Variants in MARCHF1 observed in about 807,000 individuals in gnomAD.
The protein encoded by MARCHF1 is membrane associated ring-CH-type finger 1.
MARCHF1 carries 40 observed loss-of-function variants against 54.2 expected under a neutral mutation model. That is an observed-to-expected ratio of 0.74 (90% CI 0.57 to 0.96). The LOEUF is 0.96. Ranked by LOEUF, MARCHF1 falls within the 40% of genes least tolerant of loss-of-function variation. The pLI is 0.00. For missense variants in MARCHF1, 586 were observed against 656.5 expected, an observed-to-expected ratio of 0.89 and a Z score of 1.17; for synonymous variants, 236 against 236.3, an observed-to-expected ratio of 1.00 and a Z score of 0.01.
intron 3 of MARCHF1, among the ~76,000 whole-genome samples, chr4:163,977,801 T>A (rs964041746): frequency 6.6e-6 from 1 of 152,196 alleles, no homozygotes; most frequent in Non-Finnish European, 1.5e-5. Context: ...CACTCAGATA[T>A]TCACAAAATA....
intron 4 of MARCHF1, among the ~76,000 whole-genome samples, chr4:163,819,027 A>C (rs115067808): frequency 6.6e-6 from 1 of 152,168 alleles, no homozygotes; most frequent in African/African-American, 2.4e-5. Context: ...TATTCATCTT[A>C]ATGATCCATC....
intron 1 of MARCHF1, among the ~76,000 whole-genome samples, chr4:164,160,895 A>T (rs1730215056): frequency 1.3e-5 from 2 of 152,222 alleles, no homozygotes; most frequent in Non-Finnish European, 2.9e-5. Flanking sequence ...CAGATTCAAT[A>T]AGAGTAAACT....
At chr4:163,738,617 T>A (rs1746114096) in intron 4 of MARCHF1, among the ~76,000 whole-genome samples, 1 of 152,176 alleles carries the variant, frequency 6.6e-6, no homozygotes, top group African/African-American at 2.4e-5. Context: ...TTTTTCTTAT[T>A]CAAAATGATG....
At chr4:164,338,813 A>C (rs1729832557) in intron 1 of MARCHF1, among the ~76,000 whole-genome samples, 1 of 152,064 alleles carries the variant, frequency 6.6e-6, no homozygotes, top group African/African-American at 2.4e-5. Flanking sequence ...TCTCTAATAA[A>C]AATACAAAAT....
chr4:164,346,251 T>C (rs1373814120), intron 1 of MARCHF1, among the ~76,000 whole-genome samples: 1 of 152,102 alleles, frequency 6.6e-6, no homozygotes, highest in Non-Finnish European at 1.5e-5. Context: ...TGAGCTCAAG[T>C]AATAAAGAGA....
intron 1 of MARCHF1, among the ~76,000 whole-genome samples, chr4:164,254,306 T>A (rs1014132652): frequency 1.4e-4 from 19 of 132,248 alleles, no homozygotes; most frequent in Non-Finnish European, 3.0e-4. Context: ...GGGACAGAAC[T>A]AATAGTATAC....
intron 2 of MARCHF1, among the ~76,000 whole-genome samples, chr4:164,062,586 G>A (rs189734059): frequency 2.0e-5 from 3 of 151,914 alleles, no homozygotes; most frequent in African/African-American, 2.4e-5. Context: ...GTGCAGTGGC[G>A]CGATCTCGGC....
chr4:164,288,231 G>GA (rs767136563), intron 1 of MARCHF1, among the ~76,000 whole-genome samples: 145 of 151,812 alleles, frequency 9.6e-4, no homozygotes, highest in Non-Finnish European at 1.7e-3. Context: ...AAAAGTAGAA[G>GA]AAAAAAATCT....
chr4:164,120,312 A>G (rs1466475967), intron 1 of MARCHF1, among the ~76,000 whole-genome samples: 1 of 152,040 alleles, frequency 6.6e-6, no homozygotes, highest in Non-Finnish European at 1.5e-5. Flanking sequence ...TGCACCCAAC[A>G]CCGGAGCACC....
chr4:163,700,422 T>A (rs753349900), intron 5 of MARCHF1, among the ~76,000 whole-genome samples: 11 of 151,748 alleles, frequency 7.2e-5, no homozygotes, highest in Non-Finnish European at 7.4e-5. Context: ...GGAGAATCGC[T>A]TGAACCCAGA....
intron 3 of MARCHF1, among the ~76,000 whole-genome samples, chr4:163,868,338 TA>T (rs1750099750): frequency 6.6e-6 from 1 of 151,866 alleles, no homozygotes; most frequent in Non-Finnish European, 1.5e-5. Flanking sequence ...AAATATAAAT[TA>T]AAAGGAAAAT....
At position 163,524,805 on chromosome 4, in the gene MARCHF1, C is replaced by T. The variant is rs1283025317; in HGVS notation, c.*3943G>A. 6.6e-6 allele frequency: 1 copy of T among 152,112 alleles called. No individual in the cohort carries two copies. 9.4% of individuals were successfully genotyped at this position (152,112 alleles called of 1,614,324 possible). ...AATTTGCTTTAGTACACATGATTCA[C>T]AAAACAGTAAATTGTTAATGCAAGA... is the stretch of plus-strand genomic sequence containing the variant. On this transcript the variant is annotated 3_prime_UTR_variant, in exon 10 of 10. Transcript: ENST00000514618.
chr4:163,676,185 C>CAA lies in MARCHF1; in HGVS notation c.162+24626_162+24627dup, dbSNP rs869219643. On this transcript the variant is annotated intron_variant, in intron 5 of 9. Transcript: ENST00000514618. ...TGTAACCCCATCTCTACTAAAAATA[C>CAA]AAAAAAAAAAAAAAAAAAAAAATTA... is the stretch of plus-strand genomic sequence containing the variant. Among the ~76,000 whole-genome samples the CAA allele has an allele frequency of 4.9e-3, 436 of 89,206 alleles. 5 individuals carry two copies. The highest frequency in any genetic ancestry group is 0.017 in the African/African-American group (363 of 21,928). The allele number at this position is 89,206 out of a possible 152,430, so 58.5% of individuals were successfully genotyped here. A position where few individuals can be genotyped will look rare whatever the true frequency, so the allele number is the denominator to read the frequency against.
chr4:164,369,770 T>C (rs867593863), intron 1 of MARCHF1, among the ~76,000 whole-genome samples: 5 of 152,238 alleles, frequency 3.3e-5, no homozygotes, highest in South Asian at 4.1e-4. Flanking sequence ...AGCATGTCTT[T>C]CAAAAAGTAA....
intron 1 of MARCHF1, among the ~76,000 whole-genome samples, chr4:164,176,504 T>C (rs1730666747): frequency 1.3e-5 from 2 of 152,106 alleles, no homozygotes; most frequent in African/African-American, 4.8e-5. Context: ...CCAAACCCCT[T>C]AGCAATCCTA....
chr4:164,025,232 A>C (rs1267932499), intron 2 of MARCHF1, among the ~76,000 whole-genome samples: 2 of 152,166 alleles, frequency 1.3e-5, no homozygotes, highest in Non-Finnish European at 1.5e-5. Flanking sequence ...GTGACAATCA[A>C]TTGAAACTAA....
chr4:164,321,321 A>C (rs1304193344), intron 1 of MARCHF1, among the ~76,000 whole-genome samples: 2 of 152,172 alleles, frequency 1.3e-5, no homozygotes, highest in Non-Finnish European at 2.9e-5. Context: ...TAGGATTTGC[A>C]AAGTAAATGA....
chr4:163,756,472 A>AC (rs960719113), intron 4 of MARCHF1, among the ~76,000 whole-genome samples: 10 of 151,754 alleles, frequency 6.6e-5, no homozygotes, highest in African/African-American at 2.4e-4. Context: ...ATTAAAAAAA[A>AC]AATACAAATT....
intron 1 of MARCHF1, among the ~76,000 whole-genome samples, chr4:164,235,111 CTTCT>C (rs1310059121): frequency 6.6e-6 from 1 of 152,036 alleles, no homozygotes; most frequent in East Asian, 1.9e-4. Flanking sequence ...CCCCAGGCCT[CTTCT>C]TTCTTTCTAC....
Sources: allele counts gnomAD v4.1 joint callset (sites outside exome capture counted in the v4.1 genomes callset), GRCh38; gene constraint gnomAD v4.1.1; transcripts MANE v1.5; gene names NCBI Gene and HGNC (gene_info 2026-07-23, HGNC 2026-07-21).